GUK1: variants seen among roughly 807,000 people sequenced by gnomAD.
GUK1 encodes the protein guanylate kinase.
GUK1 carries 18 observed loss-of-function variants against 25.2 expected under a neutral mutation model. The observed-to-expected ratio is 0.71, with a 90% CI of 0.49 to 1.06. The LOEUF is 1.06. Among genes scored for constraint, GUK1 ranks in the 50% least tolerant of loss-of-function variants. The pLI is 0.00. For missense variants in GUK1, 261 were observed against 276.7 expected (o/e 0.94, Z 0.40); for synonymous variants, 105 against 117.6 (o/e 0.89, Z 0.69).
Position 228,146,026 on chromosome 1 carries a change from A to G in GUK1, c.113A>G (p.His38Arg). Residue 38 changes from histidine to arginine, a missense_variant and splice_region_variant, in exon 4 of 9, where the codon CAT becomes CGT. His to Arg is a conservative substitution (Grantham distance 29). Transcript: ENST00000312726. ...GATGGGTGACAGGTCTCTCTGCTAG[A>G]TACCACGAGGAACCCGAGGCCCGGC... The G allele has an allele frequency of 6.2e-7, 1 of 1,610,846 alleles. No homozygotes were observed. Among genetic ancestry groups the G allele is most frequent in the Non-Finnish European group, 8.5e-7 (1 of 1,177,186 alleles).
At chr1:228,147,066 C>A in intron 5 of GUK1, 128 bp downstream of exon 4, 2 of 730,634 alleles carry the variant, frequency 2.7e-6, no homozygotes, top group Non-Finnish European at 2.4e-6. Flanking sequence ...CAGGTTGTGG[C>A]CCAGGGCCAG....
chr1:228,140,330 G>C lies in GUK1; in HGVS notation c.-201G>C, dbSNP rs1383109323. ...GCTGCGGCGCCCGCTGGCCGGGCTGGCTGCGGCCGCCCTGGGCCGGGCCCC... is the reference window on the plus strand; with the variant it reads ...GCTGCGGCGCCCGCTGGCCGGGCTGCCTGCGGCCGCCCTGGGCCGGGCCCC... On this transcript the variant is annotated 5_prime_UTR_variant, in exon 1 of 9. Coordinates refer to ENST00000312726, the MANE Select transcript of GUK1 (RefSeq NM_000858.7). The C allele has an allele frequency of 1.3e-6, 2 of 1,529,412 alleles. No individual in the cohort carries two copies. The highest frequency in any genetic ancestry group is 2.0e-5 in the Admixed American group (1 of 49,812). 94.7% of individuals were successfully genotyped at this position (1,529,412 alleles called of 1,614,324 possible). A position where few individuals can be genotyped will look rare whatever the true frequency, so the allele number is the denominator to read the frequency against.
rs368432831 is a variant in GUK1, at chr1:228,147,423, C to T, written c.269C>T (p.Ala90Val). ...CTCCCCAGCAAGGTGGCGGTGCAGG[C>T]CGTGCAGGCCATGAACCGCATCTGT... Residue 90 changes from alanine to valine, a missense_variant, in exon 6 of 9, where the codon GCC becomes GTC. Transcript: ENST00000312726. 5 of 1,611,744 alleles carry T rather than the reference C, an allele frequency of 3.1e-6. No homozygotes were observed. The highest frequency in any genetic ancestry group is 4.2e-6 in the Non-Finnish European group (5 of 1,179,576).
chr1:228,148,007 G>A (rs973380758), intron 7 of GUK1: 8 of 578,886 alleles, frequency 1.4e-5, no homozygotes, highest in Admixed American at 6.3e-5. Context: ...TAGCCCCGGG[G>A]GTGTCATGTG....
intron 2 of GUK1, chr1:228,141,313 C>T (rs567192202): frequency 2.1e-5 from 20 of 961,256 alleles, no homozygotes; most frequent in Middle Eastern, 5.3e-4. Flanking sequence ...CTGTCCCCCC[C>T]GGGGAAAGAA....
At position 228,148,916 on chromosome 1, in the gene GUK1, C is replaced by T. The variant is rs1361995133; in HGVS notation, c.*219C>T. Reference sequence around the variant, plus strand: ...TCTCTCACTCTGGACCCAGGGCTGACATCCTAATAAAATAACTGTTGGATT... The same window carrying T: ...TCTCTCACTCTGGACCCAGGGCTGATATCCTAATAAAATAACTGTTGGATT... On this transcript the variant is annotated 3_prime_UTR_variant, in exon 9 of 9. Transcript: ENST00000312726. 3 of 1,178,408 alleles carry T rather than the reference C, an allele frequency of 2.5e-6. No homozygotes were observed. The highest frequency in any genetic ancestry group is 3.5e-6 in the Non-Finnish European group (3 of 847,648). 73.0% of individuals were successfully genotyped at this position (1,178,408 alleles called of 1,614,324 possible). A position where few individuals can be genotyped will look rare whatever the true frequency, so the allele number is the denominator to read the frequency against.
rs2034024193 is a variant in GUK1, at chr1:228,141,214, A to G, written c.-77A>G. ...TTCTCCCTGATGGACAGACCCAAACATAGCCGCGCAGCATCGTGAAGGGCT... is the reference window on the plus strand; with the variant it reads ...TTCTCCCTGATGGACAGACCCAAACGTAGCCGCGCAGCATCGTGAAGGGCT... On this transcript the variant is annotated 5_prime_UTR_variant, in exon 2 of 9. Coordinates refer to ENST00000312726, the MANE Select transcript of GUK1 (RefSeq NM_000858.7). 3.0e-6 allele frequency: 3 copies of G among 985,006 alleles called. No homozygotes were observed. The highest frequency in any genetic ancestry group is 3.6e-6 in the Non-Finnish European group (3 of 829,600). 61.0% of individuals were successfully genotyped at this position (985,006 alleles called of 1,614,324 possible).
Position 228,146,857 on chromosome 1 carries a change from C to G in GUK1, c.170C>G (p.Thr57Ser). ...TCTTCCCCAGATTACTACTTTGTAACCAGGGAGGTGATGCAGCGTGACATA... is the reference window on the plus strand; with the variant it reads ...TCTTCCCCAGATTACTACTTTGTAAGCAGGGAGGTGATGCAGCGTGACATA... Residue 57 changes from threonine to serine, a missense_variant, in exon 5 of 9, where the codon ACC becomes AGC. By Grantham distance (58) the Thr-to-Ser change is moderately conservative. Transcript: ENST00000312726. 1 of 1,611,294 alleles carries G rather than the reference C, an allele frequency of 6.2e-7. No individual in the cohort carries two copies. Among genetic ancestry groups the G allele is most frequent in the Non-Finnish European group, 8.5e-7 (1 of 1,177,480 alleles).
Position 228,148,043 on chromosome 1 carries a change from C to G in GUK1, c.476-328C>G, listed in dbSNP as rs540473849. Reference sequence around the variant, plus strand: ...CATCCTCTTACAGCTGTTGCCTCTTCTCTGGGTCTGACTGCAGCCCACAAG... The same window carrying G: ...CATCCTCTTACAGCTGTTGCCTCTTGTCTGGGTCTGACTGCAGCCCACAAG... On this transcript the variant is annotated intron_variant, in intron 7 of 8. Transcript: ENST00000312726. The G allele has an allele frequency of 1.6e-5, 9 of 577,068 alleles. No homozygotes were observed. In the East Asian group the frequency reaches 2.3e-4, roughly 14 times the overall value. 35.7% of individuals were successfully genotyped at this position (577,068 alleles called of 1,614,324 possible). A position where few individuals can be genotyped will look rare whatever the true frequency, so the allele number is the denominator to read the frequency against.
At position 228,148,772 on chromosome 1, in the gene GUK1, G is replaced by T; in HGVS notation, c.*75G>T. 2 of 1,609,496 alleles carry T rather than the reference G, an allele frequency of 1.2e-6. No homozygotes were observed. The highest frequency in any genetic ancestry group is 8.5e-7 in the Non-Finnish European group (1 of 1,178,592). ...CAGCATTGAGCCACCCCCTTGGCAG[G>T]CGATACGGCAGCTCTGTGCCCTTGG... On this transcript the variant is annotated 3_prime_UTR_variant, in exon 9 of 9. Coordinates refer to ENST00000312726, the MANE Select transcript of GUK1 (RefSeq NM_000858.7).
At chr1:228,140,214 C>A, upstream of GUK1, 1 of 1,070,858 alleles carries the variant, frequency 9.3e-7, no homozygotes, top group South Asian at 1.4e-5. Flanking sequence ...GCGGGGCAGT[C>A]GCCTCATGAC....
intron 2 of GUK1, among the ~76,000 whole-genome samples, chr1:228,142,633 G>A (rs1026414957): frequency 6.6e-5 from 10 of 152,118 alleles, no homozygotes; most frequent in Non-Finnish European, 8.8e-5. Context: ...GTTGGTGTCT[G>A]ATCGTTGTCA....
chr1:228,144,176 G>T (rs1012425486), intron 2 of GUK1, among the ~76,000 whole-genome samples: 12 of 152,300 alleles, frequency 7.9e-5, no homozygotes, highest in African/African-American at 2.9e-4. Flanking sequence ...TGTGGTGGGT[G>T]TCGCTGTGCA....
chr1:228,140,130 A>G, upstream of GUK1: 1 of 592,490 alleles, frequency 1.7e-6, no homozygotes. Context: ...AGGCCAGCGC[A>G]GGTGGAGGCG....
chr1:228,146,511 T>C, intron 4 of GUK1: 1 of 437,936 alleles, frequency 2.3e-6, no homozygotes, highest in South Asian at 2.6e-5. Flanking sequence ...TCGTCCCCTC[T>C]GTAACCTGAC....
In GUK1 at chr1:228,147,434, A is replaced by G. The variant is rs759468262; in HGVS notation, c.280A>G (p.Met94Val). The G allele has an allele frequency of 1.2e-6, 2 of 1,612,536 alleles. No homozygotes were observed. The highest frequency in any genetic ancestry group is 2.2e-5 in the East Asian group (1 of 44,874). Residue 94 changes from methionine to valine, a missense_variant, in exon 6 of 9, where the codon ATG (methionine) becomes GTG (valine). Coordinates refer to ENST00000312726, the MANE Select transcript of GUK1 (RefSeq NM_000858.7). ...GGTGGCGGTGCAGGCCGTGCAGGCC[A>G]TGAACCGCATCTGTGTGCTGGACGT...
chr1:228,145,308 T>C, intron 2 of GUK1: 1 of 466,412 alleles, frequency 2.1e-6, no homozygotes, highest in Non-Finnish European at 3.8e-6. Context: ...GAGCCTGGTC[T>C]GAGGGCCGCC....
At chr1:228,142,322 T>G (rs1007793710) in intron 2 of GUK1, among the ~76,000 whole-genome samples, 2 of 151,506 alleles carry the variant, frequency 1.3e-5, no homozygotes, top group African/African-American at 4.9e-5. Flanking sequence ...TCTTGGCAAT[T>G]GGTGTGTCAT....
intron 2 of GUK1, chr1:228,141,477 C>A: frequency 2.8e-6 from 1 of 360,460 alleles, no homozygotes; most frequent in Non-Finnish European, 4.0e-6. Context: ...ATCCACCTGG[C>A]CCAGCCCAGA....
Sources: gnomAD v4.1 joint callset for allele counts (sites outside exome capture counted in the v4.1 genomes callset) on GRCh38, gnomAD v4.1.1 for gene constraint, MANE v1.5 for transcripts, NCBI Gene and HGNC (gene_info 2026-07-23, HGNC 2026-07-21) for gene names.